PTPRD: variants seen among roughly 807,000 people sequenced by gnomAD.
The protein encoded by PTPRD is receptor-type tyrosine-protein phosphatase delta.
PTPRD carries 34 observed loss-of-function variants against 214.5 expected under a neutral mutation model. The observed-to-expected ratio is 0.16, with a 90% confidence interval of 0.12 to 0.21. The LOEUF is 0.21. Among genes scored for constraint, PTPRD ranks in the 10% least tolerant of loss-of-function variants. The probability of loss-of-function intolerance (pLI) is 1.00; values close to 1 mark genes in which losing one functional copy is unlikely to be tolerated. For missense variants in PTPRD, 2,545 were observed against 2,398.7 expected, an observed-to-expected ratio of 1.06 and a Z score of -1.27; for synonymous variants, 1,128 against 845.7, an observed-to-expected ratio of 1.33 and a Z score of -5.79.
rs2091895512 is a variant in PTPRD, at chr9:10,245,303, G to A, written c.-545+95660C>T. 2.6e-5 allele frequency among the ~76,000 whole-genome samples: 4 copies of A among 152,238 alleles called. No homozygotes were observed. In the South Asian group the frequency reaches 8.3e-4, roughly 32 times the overall value. On this transcript the variant is annotated intron_variant, in intron 3 of 45. Coordinates refer to ENST00000381196, the MANE Select transcript of PTPRD (RefSeq NM_002839.4). ...TATTCCTTTACATACAGAGTAACCT[G>A]AGGTTATAAGGTAAAGCCATATAGT...
At chr9:9,594,356 G>A (rs552266869) in intron 7 of PTPRD, among the ~76,000 whole-genome samples, 16 of 152,046 alleles carry the variant, frequency 1.1e-4, no homozygotes, top group African/African-American at 3.1e-4. Context: ...CTAAGCCAAC[G>A]CTTAGAAGGG....
At chr9:8,700,500 T>A (rs2098051840) in intron 12 of PTPRD, 1 of 152,232 alleles carries the variant, frequency 6.6e-6, no homozygotes, top group Non-Finnish European at 1.5e-5. Flanking sequence ...ATAGCAAAGA[T>A]GTATTATGAT....
intron 3 of PTPRD, among the ~76,000 whole-genome samples, chr9:10,174,161 G>T (rs962015192): frequency 6.6e-6 from 1 of 152,116 alleles, no homozygotes; most frequent in African/African-American, 2.4e-5. Context: ...TATTGCTATG[G>T]TTTGAATGTT....
chr9:9,390,936 G>A (rs183018922), intron 9 of PTPRD, among the ~76,000 whole-genome samples: 162 of 152,266 alleles, frequency 1.1e-3, no homozygotes, highest in African/African-American at 3.7e-3. Flanking sequence ...TAACAAGATT[G>A]GATTTCTAAG....
intron 8 of PTPRD, among the ~76,000 whole-genome samples, chr9:9,421,394 C>T (rs2078758251): frequency 6.6e-6 from 1 of 151,958 alleles, no homozygotes; most frequent in South Asian, 2.1e-4. Flanking sequence ...CTCCCTATTT[C>T]TTAGGAATCA....
chr9:9,019,477 G>C (rs2099554516), intron 10 of PTPRD, among the ~76,000 whole-genome samples: 2 of 152,178 alleles, frequency 1.3e-5, no homozygotes, highest in African/African-American at 4.8e-5. Context: ...GGCCAAGGCA[G>C]GCAGATCACT....
chr9:9,223,224 G>A (rs1447040805), intron 9 of PTPRD, among the ~76,000 whole-genome samples: 1 of 151,890 alleles, frequency 6.6e-6, no homozygotes, highest in Non-Finnish European at 1.5e-5. Context: ...GGGGGAGGTG[G>A]CATCAACATG....
chr9:9,482,975 G>A (rs2095482031), intron 8 of PTPRD, among the ~76,000 whole-genome samples: 1 of 152,106 alleles, frequency 6.6e-6, no homozygotes, highest in East Asian at 1.9e-4. Flanking sequence ...TTGGCAAACT[G>A]CATATTTAAA....
intron 2 of PTPRD, among the ~76,000 whole-genome samples, chr9:10,349,378 T>A (rs2154453841): frequency 6.6e-6 from 1 of 152,248 alleles, no homozygotes; most frequent in South Asian, 2.1e-4. Context: ...TCATACATAT[T>A]TTCTAGCTGT....
chr9:10,415,646 G>C (rs2098480288), intron 2 of PTPRD, among the ~76,000 whole-genome samples: 2 of 151,872 alleles, frequency 1.3e-5, no homozygotes, highest in South Asian at 2.1e-4. Flanking sequence ...TTTTGATAGA[G>C]AGACGTGATT....
chr9:9,953,301 A>T (rs1267073444), intron 4 of PTPRD, among the ~76,000 whole-genome samples: 1 of 152,138 alleles, frequency 6.6e-6, no homozygotes, highest in Non-Finnish European at 1.5e-5. Context: ...CATGAACAGA[A>T]CAAAAGACTG....
chr9:9,687,367 G>A (rs1342540982), intron 7 of PTPRD, among the ~76,000 whole-genome samples: 4 of 151,784 alleles, frequency 2.6e-5, no homozygotes, highest in Admixed American at 1.3e-4. Context: ...CTTTGTGGAA[G>A]CCTTCATAAG....
chr9:9,630,249 A>C (rs912678017), intron 7 of PTPRD, among the ~76,000 whole-genome samples: 2 of 152,220 alleles, frequency 1.3e-5, no homozygotes, highest in Non-Finnish European at 2.9e-5. Flanking sequence ...CACCATTTTC[A>C]TTTAGGTCAT....
intron 3 of PTPRD, among the ~76,000 whole-genome samples, chr9:10,311,314 T>A (rs541389117): frequency 6.6e-6 from 1 of 152,014 alleles, no homozygotes; most frequent in South Asian, 2.1e-4. Flanking sequence ...AGAAAAGAAC[T>A]AAGGAAGCTT....
At chr9:9,584,966 C>T (rs2091669573) in intron 7 of PTPRD, among the ~76,000 whole-genome samples, 1 of 152,008 alleles carries the variant, frequency 6.6e-6, no homozygotes, top group African/African-American at 2.4e-5. Context: ...GATGCCAAGA[C>T]ATCAAATACC....
intron 4 of PTPRD, among the ~76,000 whole-genome samples, chr9:9,988,722 G>A (rs921524903): frequency 6.6e-6 from 1 of 151,824 alleles, no homozygotes; most frequent in South Asian, 2.1e-4. Context: ...GTATAGTAGA[G>A]CTCAGTATAT....
intron 10 of PTPRD, among the ~76,000 whole-genome samples, chr9:9,155,964 C>T (rs758504100): frequency 2.0e-5 from 3 of 152,134 alleles, no homozygotes; most frequent in Admixed American, 6.6e-5. Flanking sequence ...AGAATTACTA[C>T]TCCCTTAGAC....
intron 2 of PTPRD, among the ~76,000 whole-genome samples, chr9:10,386,563 C>G (rs2097917204): frequency 6.6e-6 from 1 of 151,778 alleles, no homozygotes; most frequent in Admixed American, 6.6e-5. Context: ...ACTTTTCTGT[C>G]TCTGGTTGAA....
At chr9:10,387,100 G>A (rs185142440) in intron 2 of PTPRD, among the ~76,000 whole-genome samples, 1 of 151,824 alleles carries the variant, frequency 6.6e-6, no homozygotes, top group Non-Finnish European at 1.5e-5. Flanking sequence ...AGAATCTCCA[G>A]AAAGGATCAC....
Sources: allele counts gnomAD v4.1 joint callset (sites outside exome capture counted in the v4.1 genomes callset), GRCh38; gene constraint gnomAD v4.1.1; transcripts MANE v1.5; gene names NCBI Gene and HGNC (gene_info 2026-07-23, HGNC 2026-07-21).